TMEM38B: variants seen among roughly 807,000 people sequenced by gnomAD.
TMEM38B encodes trimeric intracellular cation channel type B.
Under a neutral mutation model 28.7 loss-of-function variants are expected in TMEM38B, and 24 were observed. The ratio of observed to expected loss-of-function variants is 0.84; its 90% CI spans 0.61 to 1.18. The LOEUF is 1.18. TMEM38B is among the 50% of genes most tolerant of loss of function. The probability of loss-of-function intolerance (pLI) is 0.00; values close to 1 mark genes in which losing one functional copy is unlikely to be tolerated. For missense variants in TMEM38B, 380 were observed against 350.9 expected, an observed-to-expected ratio of 1.08 and a Z score of -0.66; for synonymous variants, 131 against 127.7, an observed-to-expected ratio of 1.03 and a Z score of -0.17.
rs1838001741 is a variant in TMEM38B, at chr9:105,760,492, A to G, written c.660+12302A>G. 9.4e-6 allele frequency: 7 copies of G among 745,278 alleles called. No homozygotes were observed. In the East Asian group the frequency reaches 1.7e-4, roughly 18 times the overall value. 46.2% of individuals were successfully genotyped at this position (745,278 alleles called of 1,614,324 possible). ...AACTTATTCATACTGTAAGCAGATT[A>G]GTGCTCAGGACTTTGAAAAGCAAAA... is the stretch of plus-strand genomic sequence containing the variant. On this transcript the variant is annotated intron_variant, in intron 5 of 5. Coordinates refer to ENST00000374692, the MANE Select transcript of TMEM38B (RefSeq NM_018112.3).
At chr9:105,703,843 C>T (rs1228360424) in intron 1 of TMEM38B, among the ~76,000 whole-genome samples, 1 of 152,052 alleles carries the variant, frequency 6.6e-6, no homozygotes, top group Non-Finnish European at 1.5e-5. Flanking sequence ...GCATAGATGT[C>T]TTCTTTTGAG....
intron 1 of TMEM38B, among the ~76,000 whole-genome samples, chr9:105,705,330 C>G (rs1253984142): frequency 6.6e-6 from 1 of 152,150 alleles, no homozygotes; most frequent in East Asian, 1.9e-4. Context: ...TAATCCATTA[C>G]TAGGAAACTG....
At chr9:105,701,103 A>T (rs1182617043) in intron 1 of TMEM38B, 4 of 152,100 alleles carry the variant, frequency 2.6e-5, no homozygotes, top group Non-Finnish European at 5.9e-5. Flanking sequence ...TCTGGAACTG[A>T]ACTCTGTGAT....
chr9:105,720,480 G>A (rs1836276855), intron 2 of TMEM38B, among the ~76,000 whole-genome samples: 1 of 152,068 alleles, frequency 6.6e-6, no homozygotes, highest in South Asian at 2.1e-4. Context: ...CAATGACTAT[G>A]GTAATATTTG....
chr9:105,701,607 C>T (rs564428827), intron 1 of TMEM38B: 1 of 152,312 alleles, frequency 6.6e-6, no homozygotes, highest in East Asian at 1.9e-4. Context: ...CATAGCTATT[C>T]TCCAAGATCC....
intron 5 of TMEM38B, chr9:105,758,881 T>A: frequency 9.5e-7 from 1 of 1,051,148 alleles, no homozygotes; most frequent in South Asian, 1.3e-5. Flanking sequence ...CAGGAAGATG[T>A]TGAAGAAATT....
At chr9:105,771,853 A>G (rs964570635) in intron 5 of TMEM38B, among the ~76,000 whole-genome samples, 1 of 152,046 alleles carries the variant, frequency 6.6e-6, no homozygotes, top group African/African-American at 2.4e-5. Context: ...GGAAATCTCT[A>G]TTACTGCCCT....
rs562604957 is a variant in TMEM38B, at chr9:105,719,490, T to C, written c.270-2047T>C. Among the ~76,000 whole-genome samples the C allele has an allele frequency of 3.5e-3, 529 of 152,320 alleles. 2 individuals are homozygous for C. Among genetic ancestry groups the C allele is most frequent in the Admixed American group, 8.0e-3 (123 of 15,300 alleles). On this transcript the variant is annotated intron_variant, in intron 2 of 5. Transcript: ENST00000374692. The stretch of plus-strand genomic sequence containing the variant: ...AGGCTAATTTGTTATAGAGCAGGAA[T>C]GGTTGTTGAGTGTGCCATTGGTCTG...
At chr9:105,759,457 C>T in intron 5 of TMEM38B, 2 of 1,566,114 alleles carry the variant, frequency 1.3e-6, no homozygotes, top group South Asian at 2.4e-5. Context: ...GAAAATGCAG[C>T]TAGTTAATTT....
At chr9:105,755,391 T>C (rs557557307) in intron 5 of TMEM38B, among the ~76,000 whole-genome samples, 99 of 152,298 alleles carry the variant, frequency 6.5e-4, no homozygotes, top group African/African-American at 2.1e-3. Flanking sequence ...CAGTCCATCA[T>C]GACACACATT....
At chr9:105,716,996 T>C (rs1836124544) in intron 2 of TMEM38B, among the ~76,000 whole-genome samples, 1 of 152,150 alleles carries the variant, frequency 6.6e-6, no homozygotes. Flanking sequence ...ATGTGGTGTT[T>C]TGATTGCATA....
chr9:105,770,903 G>A (rs542821158), intron 5 of TMEM38B, among the ~76,000 whole-genome samples: 1 of 152,234 alleles, frequency 6.6e-6, no homozygotes, highest in East Asian at 1.9e-4. Context: ...TGAAGTAGAT[G>A]TTATATTTAT....
chr9:105,710,894 C>G, intron 2 of TMEM38B: 1 of 277,696 alleles, frequency 3.6e-6, no homozygotes, highest in Admixed American at 4.6e-5. Flanking sequence ...GCAACCGCCT[C>G]TTTTCCTGAG....
chr9:105,760,439 C>T, intron 5 of TMEM38B: 4 of 741,388 alleles, frequency 5.4e-6, no homozygotes, highest in Non-Finnish European at 9.9e-6. Context: ...ATTGAAAATC[C>T]TGGAGATGGA....
rs78088876 is a variant in TMEM38B, at chr9:105,765,251, G to A, written c.661-8614G>A. On this transcript the variant is annotated intron_variant, in intron 5 of 5. Coordinates refer to ENST00000374692, the MANE Select transcript of TMEM38B (RefSeq NM_018112.3). ...TAGTTACAATTTAAAAAATGCTTTA[G>A]CAAAGTAGCATTTAATATTTATTGA... Among the ~76,000 whole-genome samples, 1,445 of 152,272 alleles carry A rather than the reference G, an allele frequency of 9.5e-3. 14 individuals are homozygous for A. The highest frequency in any genetic ancestry group is 0.013 in the Non-Finnish European group (892 of 68,028).
intron 2 of TMEM38B, among the ~76,000 whole-genome samples, chr9:105,718,688 GTA>G (rs1836203575): frequency 6.6e-6 from 1 of 152,176 alleles, no homozygotes; most frequent in African/African-American, 2.4e-5. Flanking sequence ...GTATGTCATA[GTA>G]TTGTGTACAC....
intron 5 of TMEM38B, among the ~76,000 whole-genome samples, chr9:105,761,470 G>T (rs1459631537): frequency 6.6e-6 from 1 of 152,152 alleles, no homozygotes; most frequent in Non-Finnish European, 1.5e-5. Flanking sequence ...TACTTATTTA[G>T]CAACTGCTAT....
chr9:105,752,289 C>G (rs1467275573), intron 5 of TMEM38B, among the ~76,000 whole-genome samples: 4 of 152,158 alleles, frequency 2.6e-5, no homozygotes, highest in Non-Finnish European at 5.9e-5. Flanking sequence ...CAAGGAAGGT[C>G]TCCCCCAGTG....
At chr9:105,749,790 G>T (rs957173158) in intron 5 of TMEM38B, among the ~76,000 whole-genome samples, 1 of 152,090 alleles carries the variant, frequency 6.6e-6, no homozygotes, top group African/African-American at 2.4e-5. Context: ...TTTTGATTGT[G>T]TCACTTTTTG....
Sources: allele counts gnomAD v4.1 joint callset (sites outside exome capture counted in the v4.1 genomes callset), GRCh38; gene constraint gnomAD v4.1.1; transcripts MANE v1.5; gene names NCBI Gene and HGNC (gene_info 2026-07-23, HGNC 2026-07-21).